Variants in CACNB2 observed in about 807,000 individuals in gnomAD.
CACNB2 encodes the protein voltage-dependent L-type calcium channel subunit beta-2.
CACNB2 carries 42 observed loss-of-function variants against 73.3 expected under a neutral mutation model. That is an observed-to-expected ratio of 0.57 (90% CI 0.45 to 0.74). The LOEUF (loss-of-function observed/expected upper bound fraction) is 0.74, where lower values mean the gene tolerates loss of function less well. Among genes scored for constraint, CACNB2 ranks in the 30% least tolerant of loss-of-function variants. The pLI is 0.00. For missense variants in CACNB2, 940 were observed against 853.0 expected, an observed-to-expected ratio of 1.10 and a Z score of -1.27; for synonymous variants, 348 against 310.3, an observed-to-expected ratio of 1.12 and a Z score of -1.28.
At chr10:18,498,622 C>T (rs2049985140) in intron 4 of CACNB2, 145 bp downstream of exon 4, 8 of 818,480 alleles carry the variant, frequency 9.8e-6, no homozygotes, top group Admixed American at 1.9e-5. Context: ...CAATGGCTCT[C>T]AACCTCTGCT....
At chr10:18,313,156 G>C (rs1022191003) in intron 2 of CACNB2, among the ~76,000 whole-genome samples, 4 of 151,628 alleles carry the variant, frequency 2.6e-5, no homozygotes, top group African/African-American at 7.3e-5. Flanking sequence ...AAACCTTTAA[G>C]CAGATATTTA....
chr10:18,414,253 G>A (rs1255691996), intron 3 of CACNB2, among the ~76,000 whole-genome samples: 1 of 152,208 alleles, frequency 6.6e-6, no homozygotes, highest in East Asian at 1.9e-4. Context: ...CATGGGTGCA[G>A]ATCTCTGCCT....
intron 2 of CACNB2, among the ~76,000 whole-genome samples, chr10:18,267,451 C>T (rs2037861676): frequency 6.6e-6 from 1 of 152,058 alleles, no homozygotes; most frequent in South Asian, 2.1e-4. Context: ...ACTAAACATA[C>T]AGAAATTAGC....
intron 3 of CACNB2, among the ~76,000 whole-genome samples, chr10:18,490,092 G>T (rs1264361141): frequency 6.6e-6 from 1 of 152,082 alleles, no homozygotes; most frequent in Admixed American, 6.6e-5. Context: ...TGCCCTGGCT[G>T]GTCTCAAACT....
At chr10:18,521,778 A>T (rs2051910903) in intron 9 of CACNB2, among the ~76,000 whole-genome samples, 1 of 152,254 alleles carries the variant, frequency 6.6e-6, no homozygotes, top group Non-Finnish European at 1.5e-5. Context: ...GGGGACCTGG[A>T]AGATACAGGG....
intron 2 of CACNB2, among the ~76,000 whole-genome samples, chr10:18,231,353 AT>A (rs1322565761): frequency 1.3e-5 from 2 of 151,872 alleles, no homozygotes; most frequent in Non-Finnish European, 2.9e-5. Context: ...AACTTTTTGT[AT>A]TTTTAGTAGA....
At chr10:18,401,025 C>G (rs771094562) in intron 2 of CACNB2, 63 of 1,614,020 alleles carry the variant, frequency 3.9e-5, no homozygotes, top group Non-Finnish European at 4.7e-5. Flanking sequence ...AAGGCGCTGT[C>G]TGGCTCATGA....
chr10:18,187,361 C>G (rs912741689), intron 2 of CACNB2, among the ~76,000 whole-genome samples: 1 of 152,164 alleles, frequency 6.6e-6, no homozygotes, highest in Non-Finnish European at 1.5e-5. Flanking sequence ...TCCAATTGAC[C>G]TGCCTTAACA....
intron 2 of CACNB2, among the ~76,000 whole-genome samples, chr10:18,178,937 C>G: frequency 6.6e-6 from 1 of 152,144 alleles, no homozygotes; most frequent in Non-Finnish European, 1.5e-5. Flanking sequence ...TTGAGGATAG[C>G]TGAAACATAG....
chr10:18,201,632 G>A (rs1300603055), intron 2 of CACNB2, among the ~76,000 whole-genome samples: 8 of 152,074 alleles, frequency 5.3e-5, no homozygotes, highest in Non-Finnish European at 1.2e-4. Flanking sequence ...ACATAGTGAT[G>A]TTTCAATACA....
intron 2 of CACNB2, among the ~76,000 whole-genome samples, chr10:18,345,022 A>C (rs780265070): frequency 1.3e-5 from 2 of 152,224 alleles, no homozygotes; most frequent in African/African-American, 4.8e-5. Context: ...TCAGCATAAT[A>C]TAACATCGTG....
chr10:18,220,168 CACACAT>C (rs1286582183), intron 2 of CACNB2, among the ~76,000 whole-genome samples: 2 of 65,520 alleles, frequency 3.1e-5, no homozygotes, highest in Non-Finnish European at 4.9e-5. Context: ...CACACACACA[CACACAT>C]ACATATATAT....
chr10:18,425,237 TG>T (rs1369470096), intron 3 of CACNB2, among the ~76,000 whole-genome samples: 1 of 152,200 alleles, frequency 6.6e-6, no homozygotes, highest in Non-Finnish European at 1.5e-5. Context: ...TCATTATTTT[TG>T]TTGGTTATTT....
At chr10:18,321,093 TAGAAAC>T (rs966384437) in intron 2 of CACNB2, among the ~76,000 whole-genome samples, 12 of 152,318 alleles carry the variant, frequency 7.9e-5, no homozygotes, top group African/African-American at 2.9e-4. Context: ...ATGTGTCTCT[TAGAAAC>T]AGAGAATTGA....
At chr10:18,150,015 C>A (rs2031366108) in intron 1 of CACNB2, among the ~76,000 whole-genome samples, 1 of 152,216 alleles carries the variant, frequency 6.6e-6, no homozygotes. Context: ...GTCCAGGATT[C>A]TAACCTGTGT....
intron 2 of CACNB2, among the ~76,000 whole-genome samples, chr10:18,369,871 C>T (rs2042505735): frequency 6.6e-6 from 1 of 152,220 alleles, no homozygotes; most frequent in Non-Finnish European, 1.5e-5. Context: ...CATGCCATTG[C>T]ACTCCACCCT....
intron 2 of CACNB2, chr10:18,340,915 A>G: frequency 6.2e-7 from 1 of 1,614,114 alleles, no homozygotes; most frequent in Non-Finnish European, 8.5e-7. Flanking sequence ...GCGCACTTGG[A>G]ATTGGTCTAG....
chr10:18,424,523 G>A (rs1419083173), intron 3 of CACNB2, among the ~76,000 whole-genome samples: 1 of 152,134 alleles, frequency 6.6e-6, no homozygotes, highest in Non-Finnish European at 1.5e-5. Context: ...CCTGGGCCCT[G>A]TTTTAACTAG....
intron 2 of CACNB2, among the ~76,000 whole-genome samples, chr10:18,193,270 C>CTTT (rs34215819): frequency 6.7e-6 from 1 of 148,534 alleles, no homozygotes; most frequent in Non-Finnish European, 1.5e-5. Flanking sequence ...AAGTGTCAAG[C>CTTT]TTTTTTTTTT....
Sources: allele counts gnomAD v4.1 joint callset (sites outside exome capture counted in the v4.1 genomes callset), GRCh38; gene constraint gnomAD v4.1.1; transcripts MANE v1.5; gene names NCBI Gene and HGNC (gene_info 2026-07-23, HGNC 2026-07-21).